AFG1L: variants seen among roughly 807,000 people sequenced by gnomAD.
AFG1L encodes the protein AFG1-like ATPase.
Under a neutral mutation model 62.2 loss-of-function variants are expected in AFG1L, and 53 were observed. That is an observed-to-expected ratio of 0.85 (90% CI 0.68 to 1.07). The LOEUF (loss-of-function observed/expected upper bound fraction) is 1.07, where lower values mean the gene tolerates loss of function less well. Among genes scored for constraint, AFG1L ranks in the 50% least tolerant of loss-of-function variants. The pLI is 0.00. For synonymous variants in AFG1L, 228 were observed against 210.3 expected (o/e 1.08, Z -0.73); for missense variants, 555 against 590.5 (o/e 0.94, Z 0.62).
chr6:108,479,334 T>C (rs1436397573), intron 10 of AFG1L, among the ~76,000 whole-genome samples: 4 of 152,052 alleles, frequency 2.6e-5, no homozygotes, highest in Non-Finnish European at 4.4e-5. Context: ...TGTTATTATT[T>C]GTTGATTTTT....
chr6:108,330,902 T>G (rs1447714380), intron 2 of AFG1L, among the ~76,000 whole-genome samples: 1 of 151,750 alleles, frequency 6.6e-6, no homozygotes, highest in Non-Finnish European at 1.5e-5. Context: ...TCAGATATTC[T>G]GTTATAAGCG....
intron 7 of AFG1L, among the ~76,000 whole-genome samples, chr6:108,446,102 A>ACACACACACC (rs1562166716): frequency 2.4e-5 from 3 of 126,352 alleles, no homozygotes; most frequent in African/African-American, 8.6e-5. Context: ...ACACACACAC[A>ACACACACACC]CCCCTACATA....
At chr6:108,485,641 TATATATATA>T (rs1773519876) in intron 10 of AFG1L, among the ~76,000 whole-genome samples, 2 of 18,100 alleles carry the variant, frequency 1.1e-4, no homozygotes, top group African/African-American at 2.7e-4. Context: ...TATATATATA[TATATATATA>T]TATATATTTT....
At position 108,416,632 on chromosome 6, in the gene AFG1L, G is replaced by A. The variant is rs181197384; in HGVS notation, c.807+14578G>A. 6.2e-3 allele frequency among the ~76,000 whole-genome samples: 943 copies of A among 152,276 alleles called. 10 individuals are homozygous for A. Among genetic ancestry groups the A allele is most frequent in the African/African-American group, 0.02 (845 of 41,550 alleles). Reference sequence around the variant, plus strand: ...AGTTCATGTCCTTTGTAGGGACATGGATGAAGCTGGAAACCATCATTCTGA... The same window carrying A: ...AGTTCATGTCCTTTGTAGGGACATGAATGAAGCTGGAAACCATCATTCTGA... On this transcript the variant is annotated intron_variant, in intron 7 of 12. Transcript: ENST00000368977.
intron 10 of AFG1L, among the ~76,000 whole-genome samples, chr6:108,504,987 AAT>A (rs1246795729): frequency 2.0e-5 from 3 of 152,142 alleles, no homozygotes; most frequent in Non-Finnish European, 4.4e-5. Context: ...TGCACTTAGG[AAT>A]TAGTGTAAAG....
chr6:108,490,893 CT>C (rs765933013), intron 10 of AFG1L, among the ~76,000 whole-genome samples: 5 of 152,332 alleles, frequency 3.3e-5, no homozygotes, highest in South Asian at 2.1e-4. Flanking sequence ...TCAGTACATA[CT>C]TGGTAACTAA....
chr6:108,479,144 G>A (rs1020019381), intron 10 of AFG1L, among the ~76,000 whole-genome samples: 4 of 151,964 alleles, frequency 2.6e-5, no homozygotes, highest in Non-Finnish European at 4.4e-5. Flanking sequence ...GGCACACAAC[G>A]CCATGCTTGG....
At chr6:108,468,783 G>A (rs368640758) in intron 8 of AFG1L, among the ~76,000 whole-genome samples, 7 of 105,360 alleles carry the variant, frequency 6.6e-5, no homozygotes, top group African/African-American at 2.7e-4. Context: ...TGGTCTTTTT[G>A]TTCTATTTTC....
chr6:108,313,983 G>C (rs1345877257), intron 1 of AFG1L, among the ~76,000 whole-genome samples: 2 of 152,180 alleles, frequency 1.3e-5, no homozygotes, highest in Non-Finnish European at 2.9e-5. Context: ...GGGAGGCCAA[G>C]GCGAGTGGAT....
intron 7 of AFG1L, among the ~76,000 whole-genome samples, chr6:108,404,181 A>G (rs938592479): frequency 1.3e-5 from 2 of 152,168 alleles, no homozygotes; most frequent in Non-Finnish European, 2.9e-5. Flanking sequence ...TTACTTCTTC[A>G]TTCTGGCCTA....
chr6:108,317,445 TTGAGTCA>T (rs759057400), intron 1 of AFG1L, among the ~76,000 whole-genome samples: 5 of 152,154 alleles, frequency 3.3e-5, no homozygotes, highest in African/African-American at 1.2e-4. Flanking sequence ...ACAGGACCAG[TTGAGTCA>T]TGAGTCATGA....
chr6:108,446,844 A>G (rs557760529), intron 7 of AFG1L, among the ~76,000 whole-genome samples: 60 of 152,106 alleles, frequency 3.9e-4, no homozygotes, highest in Admixed American at 7.2e-4. Context: ...TGTGGTGCTT[A>G]AGACCCATGA....
chr6:108,454,827 A>G (rs545647779), intron 8 of AFG1L, among the ~76,000 whole-genome samples: 8 of 152,062 alleles, frequency 5.3e-5, no homozygotes, highest in African/African-American at 1.4e-4. Flanking sequence ...TAATTTTTGT[A>G]TTTTTAGTAG....
rs570346370 is a variant in AFG1L at position 108,486,440 on chromosome 6, T to C, written c.1062+9148T>C. Among the ~76,000 whole-genome samples the C allele has an allele frequency of 2.0e-5, 3 of 152,312 alleles. No individual in the cohort carries two copies. The South Asian group carries it at 6.2e-4, about 32-fold the overall frequency. ...CATTCCATTTTATCACTTTGAAATA[T>C]ATTTTATGGAAAAAAGTTTAGAAAT... On this transcript the variant is annotated intron_variant, in intron 10 of 12. Coordinates refer to ENST00000368977, the MANE Select transcript of AFG1L (RefSeq NM_145315.5).
chr6:108,341,836 T>A (rs1582403750), intron 2 of AFG1L, among the ~76,000 whole-genome samples: 1 of 152,172 alleles, frequency 6.6e-6, no homozygotes. Context: ...TACAGGTAAC[T>A]TGTGACAAAT....
chr6:108,358,063 G>T (rs1226547876), intron 5 of AFG1L, among the ~76,000 whole-genome samples: 1 of 152,210 alleles, frequency 6.6e-6, no homozygotes. Flanking sequence ...GAAAAGAACA[G>T]ATGCTCTCCT....
At chr6:108,303,853 A>G (rs1023366004) in intron 1 of AFG1L, among the ~76,000 whole-genome samples, 52 of 152,218 alleles carry the variant, frequency 3.4e-4, no homozygotes, top group African/African-American at 1.1e-3. Context: ...AAAAAATTAG[A>G]TCCCTTAGAT....
chr6:108,424,412 A>G (rs376892367), intron 7 of AFG1L, among the ~76,000 whole-genome samples: 31 of 152,222 alleles, frequency 2.0e-4, no homozygotes, highest in African/African-American at 7.2e-4. Flanking sequence ...AATTGCCCCA[A>G]ATAGCTCATA....
chr6:108,470,354 A>G (rs1335471834), intron 8 of AFG1L, among the ~76,000 whole-genome samples: 1 of 152,136 alleles, frequency 6.6e-6, no homozygotes, highest in Non-Finnish European at 1.5e-5. Flanking sequence ...TTATAAAGAC[A>G]CTGTGTTGTG....
Sources: gnomAD v4.1 joint callset for allele counts (sites outside exome capture counted in the v4.1 genomes callset) on GRCh38, gnomAD v4.1.1 for gene constraint, MANE v1.5 for transcripts, NCBI Gene and HGNC (gene_info 2026-07-23, HGNC 2026-07-21) for gene names.